The following VEZT variants were observed in gnomAD, a reference collection of about 807,000 sequenced individuals.
The protein encoded by VEZT is vezatin.
In VEZT, 39 loss-of-function variants were observed where a neutral mutation model predicts 79.9. The ratio of observed to expected loss-of-function variants is 0.49; its 90% CI spans 0.38 to 0.64. The LOEUF is 0.64. Among genes scored for constraint, VEZT ranks in the 30% least tolerant of loss-of-function variants. The probability of loss-of-function intolerance (pLI) is 0.00; values close to 1 mark genes in which losing one functional copy is unlikely to be tolerated. For missense variants in VEZT, 837 were observed against 893.1 expected, an observed-to-expected ratio of 0.94 and a Z score of 0.80; for synonymous variants, 325 against 327.6, an observed-to-expected ratio of 0.99 and a Z score of 0.09.
At chr12:95,295,891 A>G (rs987216008) in intron 10 of VEZT, among the ~76,000 whole-genome samples, 160 bp from the exon 11 acceptor site, 1 of 152,130 alleles carries the variant, frequency 6.6e-6, no homozygotes, top group Non-Finnish European at 1.5e-5. Flanking sequence ...ATCCATAGGT[A>G]TATATTTGCT....
At chr12:95,218,595 G>A (rs1386074394) in intron 1 of VEZT, 1 of 152,130 alleles carries the variant, frequency 6.6e-6, no homozygotes, top group Non-Finnish European at 1.5e-5. Context: ...ATCAGACACA[G>A]GTCAAAACTC....
intron 1 of VEZT, among the ~76,000 whole-genome samples, chr12:95,235,236 G>A (rs1417880775): frequency 2.0e-5 from 3 of 150,438 alleles, no homozygotes; most frequent in South Asian, 2.1e-4. Context: ...AGGGGCGGCC[G>A]GGCAGAGGCG....
intron 1 of VEZT, among the ~76,000 whole-genome samples, chr12:95,221,114 C>T (rs978271897): frequency 2.6e-5 from 4 of 152,156 alleles, no homozygotes; most frequent in East Asian, 1.9e-4. Flanking sequence ...TGTTTATTAG[C>T]CAATTGTATA....
chr12:95,255,622 G>A (rs775639941), intron 2 of VEZT, among the ~76,000 whole-genome samples: 4 of 151,908 alleles, frequency 2.6e-5, no homozygotes, highest in Non-Finnish European at 5.9e-5. Context: ...TAGTAGAGAC[G>A]GGGTTTCACT....
At chr12:95,246,129 C>CTT (rs918460725) in intron 1 of VEZT, among the ~76,000 whole-genome samples, 1 of 147,016 alleles carries the variant, frequency 6.8e-6, no homozygotes, top group Non-Finnish European at 1.5e-5. Context: ...TTTTCTTTTT[C>CTT]TTTTTTTTTT....
intron 11 of VEZT, among the ~76,000 whole-genome samples, chr12:95,297,593 CTT>C (rs2074432290): frequency 6.6e-6 from 1 of 152,148 alleles, no homozygotes; most frequent in Non-Finnish European, 1.5e-5. Context: ...CTTGCAAACT[CTT>C]TGCAGATTTT....
chr12:95,219,049 T>C (rs2057157569), intron 1 of VEZT, among the ~76,000 whole-genome samples: 1 of 152,092 alleles, frequency 6.6e-6, no homozygotes, highest in Non-Finnish European at 1.5e-5. Context: ...AGTCTAGATA[T>C]GAGGCGTTCA....
chr12:95,237,632 T>G (rs1306137242), intron 1 of VEZT, among the ~76,000 whole-genome samples: 1 of 152,180 alleles, frequency 6.6e-6, no homozygotes, highest in African/African-American at 2.4e-5. Flanking sequence ...GAATATTATT[T>G]TGTTTTGTTT....
At chr12:95,275,431 C>T (rs1420826541) in intron 7 of VEZT, among the ~76,000 whole-genome samples, 1 of 152,064 alleles carries the variant, frequency 6.6e-6, no homozygotes, top group Non-Finnish European at 1.5e-5. Flanking sequence ...GAAACCCCAC[C>T]TCTACTAAAA....
chr12:95,296,255 C>G lies in VEZT; in HGVS notation c.1828C>G (p.His610Asp), dbSNP rs777953285. The G allele has an allele frequency of 7.0e-6, 11 of 1,576,598 alleles. No homozygotes were observed. In the African/African-American group the frequency reaches 1.5e-4, roughly 21 times the overall value. Residue 610 changes from histidine (H) to aspartate (D), a missense_variant, in exon 11 of 12, where the codon CAT becomes GAT. Transcript: ENST00000436874. Reference protein sequence around the residue: ...QKWKQLLFSDHAVLKSLSPVD... With the variant: ...QKWKQLLFSDDAVLKSLSPVD... ...GTGGAAGCAACTTCTATTTAGTGAT[C>G]ATGGTAAGCACTGACTTTAAAGTAA... is the stretch of plus-strand genomic sequence containing the variant.
rs1424370686 is a variant in VEZT at position 95,301,530 on chromosome 12, C to T, written c.*857C>T. 6.6e-6 allele frequency: 1 copy of T among 152,178 alleles called. No homozygotes were observed. The highest frequency in any genetic ancestry group is 1.5e-5 in the Non-Finnish European group (1 of 68,046). The allele number at this position is 152,178 out of a possible 1,614,324, so 9.4% of individuals were successfully genotyped here. A position where few individuals can be genotyped will look rare whatever the true frequency, so the allele number is the denominator to read the frequency against. The stretch of plus-strand genomic sequence containing the variant: ...CACCATAATGAGATTCAGGAAACAT[C>T]CTGTCAGCCTCCTGGAAAGCATCCT... On this transcript the variant is annotated 3_prime_UTR_variant, in exon 12 of 12. Coordinates refer to ENST00000436874, the MANE Select transcript of VEZT (RefSeq NM_017599.4).
At chr12:95,276,950 G>A (rs2067909485) in intron 7 of VEZT, among the ~76,000 whole-genome samples, 1 of 152,040 alleles carries the variant, frequency 6.6e-6, no homozygotes, top group Non-Finnish European at 1.5e-5. Flanking sequence ...TCTGTTAGCA[G>A]ATTCTTATGT....
At chr12:95,221,921 C>T (rs1482686793) in intron 1 of VEZT, among the ~76,000 whole-genome samples, 1 of 152,062 alleles carries the variant, frequency 6.6e-6, no homozygotes, top group Non-Finnish European at 1.5e-5. Context: ...ACATAGTGTT[C>T]ACATTGTATT....
chr12:95,234,510 G>A (rs2059731709), intron 1 of VEZT, among the ~76,000 whole-genome samples: 1 of 151,840 alleles, frequency 6.6e-6, no homozygotes, highest in South Asian at 2.1e-4. Flanking sequence ...GTCAGGCTGG[G>A]TCTTGAACAC....
At chr12:95,245,376 G>A (rs1358271437) in intron 1 of VEZT, 1 of 365,660 alleles carries the variant, frequency 2.7e-6, no homozygotes, top group African/African-American at 2.1e-5. Flanking sequence ...GATTTTTCTG[G>A]AAACAGAGCA....
intron 1 of VEZT, among the ~76,000 whole-genome samples, chr12:95,239,675 A>G (rs1440235227): frequency 6.6e-6 from 1 of 152,076 alleles, no homozygotes; most frequent in African/African-American, 2.4e-5. Context: ...CATAAGGCCC[A>G]GCACGGTAGC....
At chr12:95,291,745 G>A (rs2072884483) in intron 9 of VEZT, among the ~76,000 whole-genome samples, 1 of 152,194 alleles carries the variant, frequency 6.6e-6, no homozygotes, top group South Asian at 2.1e-4. Context: ...ATTACTGCAA[G>A]CATGTAATTA....
At chr12:95,222,466 T>A (rs908150038) in intron 1 of VEZT, among the ~76,000 whole-genome samples, 7 of 152,118 alleles carry the variant, frequency 4.6e-5, no homozygotes, top group Non-Finnish European at 5.9e-5. Flanking sequence ...TATGTGTAGA[T>A]CTCTTTCTGG....
chr12:95,296,461 C>T (rs1443145527), intron 11 of VEZT: 1 of 384,412 alleles, frequency 2.6e-6, no homozygotes, highest in Non-Finnish European at 4.5e-6. Context: ...TGAAGTCATA[C>T]TTTTTTATGA....
Sources: gnomAD v4.1 joint callset for allele counts (sites outside exome capture counted in the v4.1 genomes callset) on GRCh38, gnomAD v4.1.1 for gene constraint, MANE v1.5 for transcripts, NCBI Gene and HGNC (gene_info 2026-07-23, HGNC 2026-07-21) for gene names.